CNTNAP2: variants seen among roughly 807,000 people sequenced by gnomAD.
CNTNAP2 encodes contactin-associated protein-like 2.
CNTNAP2 carries 98 observed loss-of-function variants against 155.2 expected under a neutral mutation model. That is an observed-to-expected ratio of 0.63 (90% CI 0.54 to 0.75). The LOEUF (loss-of-function observed/expected upper bound fraction) is 0.75. Among genes scored for constraint, CNTNAP2 ranks in the 30% least tolerant of loss-of-function variants. The pLI, the probability that CNTNAP2 is intolerant of heterozygous loss-of-function variation, is 0.00. For synonymous variants in CNTNAP2, 651 were observed against 631.2 expected (o/e 1.03, Z -0.47); for missense variants, 1,727 against 1,688.1 (o/e 1.02, Z -0.40).
At chr7:146,484,991 G>A (rs1162886684) in intron 1 of CNTNAP2, among the ~76,000 whole-genome samples, 3 of 152,062 alleles carry the variant, frequency 2.0e-5, no homozygotes, top group Non-Finnish European at 2.9e-5. Flanking sequence ...TTTTATTATA[G>A]CATTATAATA....
intron 1 of CNTNAP2, among the ~76,000 whole-genome samples, chr7:146,753,299 C>G: frequency 6.6e-6 from 1 of 151,798 alleles, no homozygotes; most frequent in East Asian, 1.9e-4. Context: ...TTTCCTTACA[C>G]ATTATCCATG....
At chr7:148,274,225 G>A (rs1796831460) in intron 21 of CNTNAP2, among the ~76,000 whole-genome samples, 1 of 152,000 alleles carries the variant, frequency 6.6e-6, no homozygotes, top group Non-Finnish European at 1.5e-5. Flanking sequence ...CTCTTGACTT[G>A]TGATGAACAT....
rs1442451159 is a variant in CNTNAP2, at chr7:147,176,745, TATA to T, written c.1348+44240_1348+44242del. Reference sequence around the variant, plus strand: ...ATATTATATATAATAGAATTATAATTATAATATATAATTATAATTATATAGAAT... The same window carrying T: ...ATATTATATATAATAGAATTATAATTATATATAATTATAATTATATAGAAT... On this transcript the variant is annotated intron_variant, in intron 8 of 23. Coordinates refer to ENST00000361727, the MANE Select transcript of CNTNAP2 (RefSeq NM_014141.6). 4.4e-5 allele frequency among the ~76,000 whole-genome samples: 5 copies of T among 112,670 alleles called. No individual in the cohort carries two copies. In the Admixed American group the frequency reaches 5.0e-4, roughly 11 times the overall value. 73.9% of individuals were successfully genotyped at this position (112,670 alleles called of 152,430 possible). A position where few individuals can be genotyped will look rare whatever the true frequency, so the allele number is the denominator to read the frequency against.
chr7:146,273,494 G>A (rs953114363), intron 1 of CNTNAP2, among the ~76,000 whole-genome samples: 3 of 152,070 alleles, frequency 2.0e-5, no homozygotes, highest in Admixed American at 6.6e-5. Context: ...AATCAGCCAT[G>A]GATTATACCT....
chr7:147,576,611 T>G (rs999246762), intron 12 of CNTNAP2, among the ~76,000 whole-genome samples: 2 of 151,980 alleles, frequency 1.3e-5, no homozygotes, highest in Non-Finnish European at 2.9e-5. Context: ...AAGTAAAAGG[T>G]AAAGAGTTCA....
chr7:147,405,684 T>C (rs1322173586), intron 10 of CNTNAP2, among the ~76,000 whole-genome samples: 1 of 152,142 alleles, frequency 6.6e-6, no homozygotes, highest in African/African-American at 2.4e-5. Context: ...AAATCAAATG[T>C]AAAAGTTTTA....
At chr7:148,068,812 G>A (rs976092754) in intron 15 of CNTNAP2, among the ~76,000 whole-genome samples, 1 of 152,146 alleles carries the variant, frequency 6.6e-6, no homozygotes, top group Non-Finnish European at 1.5e-5. Flanking sequence ...CTCCTTTCAG[G>A]TGAGTTTTCT....
chr7:148,275,429 G>A (rs1347719128), intron 21 of CNTNAP2, among the ~76,000 whole-genome samples: 2 of 152,212 alleles, frequency 1.3e-5, no homozygotes. Context: ...ATGGGCTGAA[G>A]TAGAGGCCAT....
At chr7:146,992,569 C>T (rs1798228955) in intron 3 of CNTNAP2, among the ~76,000 whole-genome samples, 1 of 152,096 alleles carries the variant, frequency 6.6e-6, no homozygotes, top group African/African-American at 2.4e-5. Flanking sequence ...CAGGAGAGGC[C>T]AGGCTCCTGC....
intron 22 of CNTNAP2, among the ~76,000 whole-genome samples, chr7:148,396,207 C>T (rs902720166): frequency 1.3e-4 from 19 of 151,270 alleles, no homozygotes; most frequent in Admixed American, 6.6e-5. Context: ...TTCATTTTTG[C>T]GTCATGCTCG....
intron 10 of CNTNAP2, among the ~76,000 whole-genome samples, chr7:147,402,234 C>G (rs187765129): frequency 2.8e-4 from 43 of 152,270 alleles, no homozygotes; most frequent in African/African-American, 9.6e-4. Context: ...CCTAGCATGG[C>G]TTGGGTCAGA....
chr7:148,096,902 G>C (rs572159665), intron 15 of CNTNAP2, among the ~76,000 whole-genome samples: 3 of 152,234 alleles, frequency 2.0e-5, no homozygotes, highest in Admixed American at 6.5e-5. Flanking sequence ...TGAGAGAAGA[G>C]GACAGGCTCT....
chr7:147,148,146 T>G (rs1801745741), intron 8 of CNTNAP2, among the ~76,000 whole-genome samples: 1 of 151,810 alleles, frequency 6.6e-6, no homozygotes. Context: ...ATCCCAGCAC[T>G]TTGGGAGGCC....
chr7:147,759,899 G>A (rs146803199), intron 13 of CNTNAP2, among the ~76,000 whole-genome samples: 23 of 152,142 alleles, frequency 1.5e-4, no homozygotes, highest in African/African-American at 4.3e-4. Flanking sequence ...GATACACCCC[G>A]TAAAAAGGAT....
At chr7:146,418,550 T>C (rs1401118153) in intron 1 of CNTNAP2, among the ~76,000 whole-genome samples, 2 of 152,142 alleles carry the variant, frequency 1.3e-5, no homozygotes, top group Non-Finnish European at 2.9e-5. Context: ...TTCTGCAACT[T>C]TTTGGCTGGT....
intron 22 of CNTNAP2, among the ~76,000 whole-genome samples, chr7:148,406,274 A>G (rs1411960565): frequency 6.6e-6 from 1 of 152,072 alleles, no homozygotes; most frequent in Non-Finnish European, 1.5e-5. Context: ...GGCAGGGGAT[A>G]AGGGAAGACA....
chr7:148,246,930 A>G (rs1284490199), intron 20 of CNTNAP2, among the ~76,000 whole-genome samples: 2 of 152,214 alleles, frequency 1.3e-5, no homozygotes, highest in Non-Finnish European at 2.9e-5. Flanking sequence ...AGTTATTTGT[A>G]TTCAATTGAA....
chr7:146,195,389 A>G (rs533724765), intron 1 of CNTNAP2, among the ~76,000 whole-genome samples: 3 of 152,326 alleles, frequency 2.0e-5, no homozygotes, highest in African/African-American at 7.2e-5. Flanking sequence ...TATTGAACTA[A>G]CATGGAGGGC....
chr7:146,884,303 G>A (rs1010916269), intron 3 of CNTNAP2, among the ~76,000 whole-genome samples: 1 of 152,108 alleles, frequency 6.6e-6, no homozygotes, highest in Non-Finnish European at 1.5e-5. Context: ...ATTTGTGTGT[G>A]AGGTTCAACT....
Sources: gnomAD v4.1 joint callset for allele counts (sites outside exome capture counted in the v4.1 genomes callset) on GRCh38, gnomAD v4.1.1 for gene constraint, MANE v1.5 for transcripts, NCBI Gene and HGNC (gene_info 2026-07-23, HGNC 2026-07-21) for gene names.